TPGS2: variants seen among roughly 807,000 people sequenced by gnomAD.
TPGS2 encodes tubulin polyglutamylase complex subunit 2.
Under a neutral mutation model 31.1 loss-of-function variants are expected in TPGS2, and 26 were observed. The ratio of observed to expected loss-of-function variants is 0.84; its 90% confidence interval spans 0.61 to 1.16. TPGS2 has a LOEUF of 1.16. Among genes scored for constraint, TPGS2 ranks in the 50% most tolerant of loss-of-function variants. TPGS2 has a pLI of 0.00. For missense variants in TPGS2, 351 were observed against 363.8 expected, an observed-to-expected ratio of 0.96 and a Z score of 0.29; for synonymous variants, 130 against 136.6, an observed-to-expected ratio of 0.95 and a Z score of 0.34.
intron 1 of TPGS2, among the ~76,000 whole-genome samples, chr18:36,824,750 G>A (rs2046056120): frequency 6.6e-6 from 1 of 152,092 alleles, no homozygotes; most frequent in Non-Finnish European, 1.5e-5. Flanking sequence ...AGATCTGTAA[G>A]TTCCTTTTCA....
At chr18:36,806,783 G>A (rs930797609) in intron 3 of TPGS2, among the ~76,000 whole-genome samples, 8 of 148,086 alleles carry the variant, frequency 5.4e-5, no homozygotes, top group African/African-American at 7.5e-5. Context: ...CCTGGGAGGC[G>A]GAGGTTGCAG....
chr18:36,797,258 A>C (rs1168990790), intron 6 of TPGS2, among the ~76,000 whole-genome samples: 1 of 152,176 alleles, frequency 6.6e-6, no homozygotes, highest in African/African-American at 2.4e-5. Flanking sequence ...TTGCTTTATG[A>C]GGTCTCAGGA....
chr18:36,813,146 C>T (rs958285267), intron 2 of TPGS2, among the ~76,000 whole-genome samples: 1 of 152,188 alleles, frequency 6.6e-6, no homozygotes, highest in African/African-American at 2.4e-5. Flanking sequence ...TTCCTTAAGC[C>T]AAACATATTC....
At chr18:36,806,955 T>C (rs892978793) in intron 3 of TPGS2, among the ~76,000 whole-genome samples, 2 of 145,310 alleles carry the variant, frequency 1.4e-5, no homozygotes, top group Admixed American at 6.9e-5. Flanking sequence ...GGTGTGTAGG[T>C]AGAAGGCCGA....
Position 36,800,235 on chromosome 18 carries a change from A to G in TPGS2, c.459T>C (p.Ser153=), listed in dbSNP as rs2044738209. The stretch of plus-strand genomic sequence containing the variant: ...TTTTGTAGACAAGGCAAACTTTCCC[A>G]CTGCCATTGCATGAATCCAGCTCAA... The part of the protein sequence containing the change: ...VIFELDSCNG[S]GKVCLVYKSG... The change falls in exon 5 of 7, where the codon AGT becomes AGC. Residue 153 remains serine (S), a synonymous_variant. Transcript: ENST00000334295. The G allele has an allele frequency of 6.2e-7, 1 of 1,614,136 alleles. No homozygotes were observed. Among genetic ancestry groups the G allele is most frequent in the East Asian group, 2.2e-5 (1 of 44,882 alleles).
intron 4 of TPGS2, among the ~76,000 whole-genome samples, chr18:36,803,832 A>C (rs1224476266): frequency 2.0e-5 from 3 of 151,718 alleles, no homozygotes; most frequent in Non-Finnish European, 4.4e-5. Flanking sequence ...AATCTCCTTA[A>C]GTATTCTTGT....
chr18:36,821,221 G>T (rs72885222), intron 1 of TPGS2: 18,432 of 152,168 alleles, frequency 0.12, 1,387 homozygotes, highest in Admixed American at 0.17. Context: ...TGATTCCTGA[G>T]CCATCACATA....
chr18:36,785,743 A>G (rs2044111045), intron 6 of TPGS2, among the ~76,000 whole-genome samples: 1 of 152,212 alleles, frequency 6.6e-6, no homozygotes, highest in African/African-American at 2.4e-5. Flanking sequence ...ATGTTTTGTC[A>G]TTTAAAACTA....
Position 36,807,866 on chromosome 18 carries a change from T to C in TPGS2, c.234A>G (p.Thr78=). 6.2e-7 allele frequency: 1 copy of C among 1,614,132 alleles called. No homozygotes were observed. Among genetic ancestry groups the C allele is most frequent in the South Asian group, 1.1e-5 (1 of 91,086 alleles). Residue 78 remains threonine, a synonymous_variant, in exon 3 of 7, where the codon ACA becomes ACG. Transcript: ENST00000334295. ...ACTCACCATCCAGCTTCACACTCCA[T>C]GTCATGTGGAAGCCATTGGTCATCA... ...FYLMTNGFHM[T]WSVKLDEHII... is the part of the protein sequence containing the mutation.
chr18:36,825,511 C>G (rs368123494), intron 1 of TPGS2, among the ~76,000 whole-genome samples: 6 of 150,764 alleles, frequency 4.0e-5, no homozygotes, highest in African/African-American at 1.5e-4. Flanking sequence ...TTTCATTGAT[C>G]TACATTTCTA....
chr18:36,792,885 A>T (rs2044364221), downstream of TPGS2, among the ~76,000 whole-genome samples: 1 of 152,206 alleles, frequency 6.6e-6, no homozygotes, highest in South Asian at 2.1e-4. Context: ...TCTGCCATTT[A>T]TTCTCATTTT....
At chr18:36,788,690 ATGTTTTGTTT>A (rs773226923) in intron 6 of TPGS2, 1 of 152,010 alleles carries the variant, frequency 6.6e-6, no homozygotes, top group East Asian at 1.9e-4. Flanking sequence ...ACCTCAAAAC[ATGTTTTGTTT>A]TGTTTTGTTT....
chr18:36,791,658 C>T (rs547630973), downstream of TPGS2, among the ~76,000 whole-genome samples: 2 of 152,320 alleles, frequency 1.3e-5, no homozygotes, highest in South Asian at 4.1e-4. Flanking sequence ...CCACAATTAA[C>T]TCCATAATGG....
intron 2 of TPGS2, among the ~76,000 whole-genome samples, chr18:36,811,135 T>A (rs2045405218): frequency 6.6e-6 from 1 of 152,206 alleles, no homozygotes; most frequent in African/African-American, 2.4e-5. Context: ...ATGAGAACAT[T>A]GCTGGAAATT....
Position 36,795,147 on chromosome 18 carries a change from C to A in TPGS2, c.*1658G>T. 4 of 985,366 alleles carry A rather than the reference C, an allele frequency of 4.1e-6. No homozygotes were observed. The highest frequency in any genetic ancestry group is 4.8e-6 in the Non-Finnish European group (4 of 829,922). The allele number at this position is 985,366 out of a possible 1,614,324, so 61.0% of individuals were successfully genotyped here. On this transcript the variant is annotated 3_prime_UTR_variant, in exon 7 of 7. Transcript: ENST00000334295. ...GGAAAGTGGTAGGTGGAGGAGATAT[C>A]GAAGGCGCTTTCTCATGAATATCTA...
intron 2 of TPGS2, 122 bp downstream of exon 2, chr18:36,818,772 A>T: frequency 1.1e-6 from 1 of 887,128 alleles, no homozygotes; most frequent in East Asian, 2.5e-5. Context: ...GAAAAGGTAA[A>T]CTCTACCTTG....
At chr18:36,781,572 A>C (rs2044017065), downstream of TPGS2, among the ~76,000 whole-genome samples, 1 of 152,112 alleles carries the variant, frequency 6.6e-6, no homozygotes, top group East Asian at 1.9e-4. Context: ...GAATTGTTTA[A>C]ATCAGGGAGT....
intron 1 of TPGS2, among the ~76,000 whole-genome samples, chr18:36,826,822 T>G (rs1022567695): frequency 6.6e-6 from 1 of 152,202 alleles, no homozygotes; most frequent in Non-Finnish European, 1.5e-5. Flanking sequence ...AAGCTGCCAG[T>G]CTTTCACCAT....
intron 6 of TPGS2, among the ~76,000 whole-genome samples, chr18:36,783,617 G>A (rs2044065807): frequency 6.6e-6 from 1 of 152,224 alleles, no homozygotes; most frequent in Non-Finnish European, 1.5e-5. Context: ...ACACAGTGCA[G>A]GGGGAAGAAC....
Sources: allele counts gnomAD v4.1 joint callset (sites outside exome capture counted in the v4.1 genomes callset), GRCh38; gene constraint gnomAD v4.1.1; transcripts MANE v1.5; gene names NCBI Gene and HGNC (gene_info 2026-07-23, HGNC 2026-07-21).